Variants in ZNF367 observed in about 807,000 individuals in gnomAD.
ZNF367 encodes the protein C2H2 zinc finger protein ZFF29.
ZNF367 carries 11 observed loss-of-function variants against 31.8 expected under a neutral mutation model. The observed-to-expected ratio is 0.35, with a 90% CI of 0.22 to 0.57. The LOEUF (loss-of-function observed/expected upper bound fraction) is 0.57. Ranked by LOEUF, ZNF367 falls within the 20% of genes least tolerant of loss-of-function variation. The pLI is 0.85. For missense variants in ZNF367, 353 were observed against 484.1 expected, an observed-to-expected ratio of 0.73 and a Z score of 2.54; for synonymous variants, 199 against 202.4, an observed-to-expected ratio of 0.98 and a Z score of 0.14.
intron 4 of ZNF367, among the ~76,000 whole-genome samples, chr9:96,392,031 C>T (rs1284711477): frequency 3.3e-5 from 5 of 152,282 alleles, no homozygotes; most frequent in South Asian, 4.1e-4. Context: ...CCACCCACCT[C>T]GGCTGTCTAT....
In ZNF367 at chr9:96,388,064, T is replaced by TA. The variant is rs971186451; in HGVS notation, c.*172dup. ...CTTTACGATGAATTCATTTCCATAT[T>TA]AAAAAAGTGCAGTTCTCTCTCACCC... On this transcript the variant is annotated 3_prime_UTR_variant, in exon 5 of 5. Coordinates refer to ENST00000375256, the MANE Select transcript of ZNF367 (RefSeq NM_153695.4). 1.5e-5 allele frequency: 9 copies of TA among 614,216 alleles called. No homozygotes were observed. The highest frequency in any genetic ancestry group is 2.2e-5 in the Non-Finnish European group (8 of 360,924). The allele number at this position is 614,216 out of a possible 1,614,324, so 38.0% of individuals were successfully genotyped here. A position where few individuals can be genotyped will look rare whatever the true frequency, so the allele number is the denominator to read the frequency against.
chr9:96,389,286 C>T (rs1831441039), intron 4 of ZNF367, among the ~76,000 whole-genome samples: 1 of 144,588 alleles, frequency 6.9e-6, no homozygotes, highest in East Asian at 2.0e-4. Context: ...GGTGACAGAG[C>T]GAGACTCCGT....
At chr9:96,399,233 T>G (rs942512348) in intron 1 of ZNF367, among the ~76,000 whole-genome samples, 10 of 151,896 alleles carry the variant, frequency 6.6e-5, no homozygotes, top group African/African-American at 2.2e-4. Context: ...GAGGCTACAG[T>G]AGAGTTGTAA....
intron 1 of ZNF367, among the ~76,000 whole-genome samples, chr9:96,416,322 G>T (rs377348617): frequency 6.6e-6 from 1 of 151,910 alleles, no homozygotes; most frequent in Non-Finnish European, 1.5e-5. Flanking sequence ...TCCTGACCTC[G>T]TGATCCGCCC....
chr9:96,402,571 G>A (rs1456548277), intron 1 of ZNF367, among the ~76,000 whole-genome samples: 6 of 142,124 alleles, frequency 4.2e-5, no homozygotes, highest in Non-Finnish European at 6.0e-5. Context: ...TCCTGCCTCA[G>A]CCTCCCGAGT....
chr9:96,417,831 C>T lies in ZNF367; in HGVS notation c.202G>A (p.Val68Met). Residue 68 changes from valine (V) to methionine (M), a missense_variant, in exon 1 of 5, where the codon GTG (valine) becomes ATG (methionine). Val to Met is a conservative substitution (Grantham distance 21, BLOSUM62 1). Transcript: ENST00000375256. The surrounding 1 kb of genome is among the most constrained non-coding windows in gnomAD (Gnocchi z 5.0). ...PTSPGFSDFM[V>M]YPWRWGENAH... is the part of the protein sequence containing the mutation. ...TTCTCGCCCCAGCGCCACGGGTACA[C>T]CATGAAGTCGCTGAAGCCGGGGCTG... is the stretch of plus-strand genomic sequence containing the variant. 1 of 1,487,432 alleles carries T rather than the reference C, an allele frequency of 6.7e-7. No individual in the cohort carries two copies. The highest frequency in any genetic ancestry group is 8.9e-7 in the Non-Finnish European group (1 of 1,127,136). The allele number at this position is 1,487,432 out of a possible 1,614,324, so 92.1% of individuals were successfully genotyped here.
At chr9:96,389,835 T>C (rs1259100062) in intron 4 of ZNF367, among the ~76,000 whole-genome samples, 1 of 152,020 alleles carries the variant, frequency 6.6e-6, no homozygotes, top group East Asian at 1.9e-4. Context: ...GTTCAAACTA[T>C]TCTCGTGCCT....
intron 1 of ZNF367, among the ~76,000 whole-genome samples, chr9:96,410,692 G>A (rs561056590): frequency 6.7e-6 from 1 of 148,910 alleles, no homozygotes; most frequent in Non-Finnish European, 1.5e-5. Flanking sequence ...TGGCCAACAT[G>A]GTGAAACCCC....
chr9:96,401,513 C>T (rs1033510943), intron 1 of ZNF367, among the ~76,000 whole-genome samples: 2 of 152,004 alleles, frequency 1.3e-5, no homozygotes, highest in East Asian at 1.9e-4. Context: ...CAAAATTAGC[C>T]GGGCATGGTG....
chr9:96,389,302 G>GAAAAAAA (rs11438398), intron 4 of ZNF367, among the ~76,000 whole-genome samples: 1 of 112,148 alleles, frequency 8.9e-6, no homozygotes. Flanking sequence ...TCCGTTTCAA[G>GAAAAAAA]AAAAAAAAAA....
intron 3 of ZNF367, among the ~76,000 whole-genome samples, chr9:96,393,041 C>G (rs1239796623): frequency 6.6e-6 from 1 of 152,040 alleles, no homozygotes. Context: ...GCCGAGATCA[C>G]GCCATTGCAC....
intron 1 of ZNF367, chr9:96,407,898 G>A (rs1831691704): frequency 2.4e-6 from 1 of 424,282 alleles, no homozygotes; most frequent in South Asian, 8.3e-5. Flanking sequence ...GAGCCACCGC[G>A]CCCGGCCAAC....
chr9:96,396,283 G>A (rs1242493912), intron 2 of ZNF367, among the ~76,000 whole-genome samples: 3 of 151,372 alleles, frequency 2.0e-5, no homozygotes, highest in African/African-American at 7.3e-5. Flanking sequence ...GTTATCCAGG[G>A]GATATTTTAG....
intron 2 of ZNF367, among the ~76,000 whole-genome samples, chr9:96,396,649 A>G (rs758410988): frequency 3.0e-4 from 46 of 152,164 alleles, no homozygotes; most frequent in South Asian, 6.2e-4. Flanking sequence ...TAGAAAAAGT[A>G]AAGAGAAAGA....
intron 1 of ZNF367, among the ~76,000 whole-genome samples, chr9:96,409,799 GA>G (rs1831718821): frequency 6.6e-6 from 1 of 152,154 alleles, no homozygotes. Flanking sequence ...ACACAGGAGT[GA>G]AATCTTCATT....
chr9:96,392,260 ATCAGGGG>A, intron 4 of ZNF367, 131 bp downstream of exon 4: 1 of 1,318,964 alleles, frequency 7.6e-7, no homozygotes. Context: ...TTTATAGAAA[ATCAGGGG>A]TCATTTCTAA....
intron 4 of ZNF367, among the ~76,000 whole-genome samples, chr9:96,389,553 C>T (rs1271848505): frequency 6.6e-6 from 1 of 151,488 alleles, no homozygotes; most frequent in African/African-American, 2.4e-5. Context: ...AAAGGGGGCA[C>T]GAAGAAACTT....
chr9:96,415,937 C>T (rs557820870), intron 1 of ZNF367, among the ~76,000 whole-genome samples: 14 of 151,700 alleles, frequency 9.2e-5, no homozygotes, highest in South Asian at 2.1e-4. Context: ...CATGTAGCTA[C>T]GTATATAGGT....
At chr9:96,398,957 G>A (rs1010737472) in intron 1 of ZNF367, among the ~76,000 whole-genome samples, 1 of 152,112 alleles carries the variant, frequency 6.6e-6, no homozygotes, top group Non-Finnish European at 1.5e-5. Flanking sequence ...CTCTTCAGAG[G>A]GTATTGCTCA....
Sources: allele counts gnomAD v4.1 joint callset (sites outside exome capture counted in the v4.1 genomes callset), GRCh38; gene constraint gnomAD v4.1.1; non-coding constraint Gnocchi (gnomAD v3.1); transcripts MANE v1.5; gene names NCBI Gene and HGNC (gene_info 2026-07-23, HGNC 2026-07-21).